Variants in GSE1 observed in about 807,000 individuals in gnomAD.
GSE1 encodes the protein genetic suppressor element 1.
A neutral mutation model predicts 112.6 loss-of-function variants in GSE1; 32 were observed. The observed-to-expected ratio is 0.28, with a 90% CI of 0.21 to 0.38. The LOEUF is 0.38. GSE1 is among the 10% of genes least tolerant of loss of function. The probability of loss-of-function intolerance (pLI) is 1.00; values close to 1 mark genes in which losing one functional copy is unlikely to be tolerated. For missense variants in GSE1, 2,348 were observed against 1,699.2 expected, an observed-to-expected ratio of 1.38 and a Z score of -6.71; for synonymous variants, 1,115 against 735.6, an observed-to-expected ratio of 1.52 and a Z score of -8.35.
chr16:85,403,319 C>G (rs2048163296), intron 2 of GSE1, among the ~76,000 whole-genome samples: 1 of 152,214 alleles, frequency 6.6e-6, no homozygotes, highest in Non-Finnish European at 1.5e-5. Flanking sequence ...GGCAAGTCAC[C>G]AGGTCCAGCC....
intron 2 of GSE1, among the ~76,000 whole-genome samples, chr16:85,374,283 T>C (rs1349034778): frequency 7.0e-6 from 1 of 141,956 alleles, no homozygotes; most frequent in African/African-American, 2.7e-5. Flanking sequence ...TGTCAGTGTG[T>C]ATGTGCGTGG....
At chr16:85,612,649 C>T (rs1468162458), upstream of GSE1, among the ~76,000 whole-genome samples, 4 of 150,530 alleles carry the variant, frequency 2.7e-5, no homozygotes, top group African/African-American at 9.8e-5. Context: ...AATTTTGAGG[C>T]CAAGTTCTTA....
intron 15 of GSE1, 47 bp downstream of exon 15, chr16:85,671,145 T>C (rs2053295792): frequency 8.8e-7 from 1 of 1,135,942 alleles, no homozygotes; most frequent in Admixed American, 1.8e-5. Context: ...ACCTTTTGAG[T>C]TTGGGTTCAG....
intron 2 of GSE1, among the ~76,000 whole-genome samples, chr16:85,424,179 T>C (rs1257835620): frequency 6.6e-6 from 1 of 152,232 alleles, no homozygotes; most frequent in East Asian, 1.9e-4. Flanking sequence ...CTTTAATGCA[T>C]TTGTTCGTTC....
chr16:85,486,429 G>A (rs376728363), intron 2 of GSE1, among the ~76,000 whole-genome samples: 1 of 152,254 alleles, frequency 6.6e-6, no homozygotes, highest in Non-Finnish European at 1.5e-5. Flanking sequence ...TTACCTGGCA[G>A]CACAGCTCCC....
At chr16:85,556,443 C>T (rs2045216367) in intron 1 of GSE1, 1 of 599,084 alleles carries the variant, frequency 1.7e-6, no homozygotes, top group Admixed American at 6.4e-5. Context: ...CCCCCTCCGC[C>T]AGACCCCCGA....
intron 2 of GSE1, among the ~76,000 whole-genome samples, chr16:85,463,418 G>C (rs369048139): frequency 6.6e-6 from 1 of 152,234 alleles, no homozygotes; most frequent in Non-Finnish European, 1.5e-5. Context: ...CTCAGACCCC[G>C]TGTAGGGAAG....
At chr16:85,388,974 G>A (rs2047769790) in intron 2 of GSE1, among the ~76,000 whole-genome samples, 1 of 151,942 alleles carries the variant, frequency 6.6e-6, no homozygotes, top group South Asian at 2.1e-4. Context: ...AATAGATCAT[G>A]AAGGAAAAAA....
In GSE1 at chr16:85,654,839, C is replaced by G. The variant is rs140680914; in HGVS notation, c.645C>G (p.Thr215=). The change falls in exon 5 of 16, where the codon ACC becomes ACG. Residue 215 remains threonine (T), a synonymous_variant. Coordinates refer to ENST00000253458, the MANE Select transcript of GSE1 (RefSeq NM_014615.5). ...VHHVVPPSTV[T]EDYLRSFRPY... is the part of the protein sequence containing the mutation. ...ACGTGGTGCCCCCCAGTACCGTGAC[C>G]GAGGACTACCTGAGAAGCTTCCGGC... is the stretch of plus-strand genomic sequence containing the variant. The G allele has an allele frequency of 1.9e-6, 3 of 1,612,054 alleles. No homozygotes were observed. Among genetic ancestry groups the G allele is most frequent in the Admixed American group, 1.7e-5 (1 of 59,968 alleles).
intron 13 of GSE1, among the ~76,000 whole-genome samples, chr16:85,667,410 G>A (rs757705677): frequency 2.9e-4 from 44 of 152,248 alleles, no homozygotes; most frequent in Non-Finnish European, 5.1e-4. Flanking sequence ...ACCAGGCCAC[G>A]CCATGAGACA....
intron 2 of GSE1, among the ~76,000 whole-genome samples, chr16:85,505,159 C>T (rs747890688): frequency 1.3e-5 from 2 of 152,150 alleles, no homozygotes; most frequent in East Asian, 3.8e-4. Context: ...GACTCTCTGG[C>T]GCCCAGGGGA....
intron 1 of GSE1, among the ~76,000 whole-genome samples, chr16:85,573,672 A>G (rs1363321444): frequency 6.6e-6 from 1 of 152,118 alleles, no homozygotes; most frequent in Non-Finnish European, 1.5e-5. Flanking sequence ...CATTGCTGCT[A>G]TTAATAGCAA....
chr16:85,228,915 G>A (rs1371774569), intron 1 of GSE1, among the ~76,000 whole-genome samples: 1 of 152,230 alleles, frequency 6.6e-6, no homozygotes, highest in East Asian at 1.9e-4. Flanking sequence ...CATACCCGAA[G>A]GAGTTAAGCC....
intron 1 of GSE1, among the ~76,000 whole-genome samples, chr16:85,295,302 C>T (rs1235869354): frequency 6.6e-6 from 1 of 152,180 alleles, no homozygotes; most frequent in Non-Finnish European, 1.5e-5. Flanking sequence ...TGGCTTCTCT[C>T]ACTCGGGACC....
chr16:85,556,416 A>ACGTCC (rs1347759422), intron 1 of GSE1: 8 of 831,492 alleles, frequency 9.6e-6, no homozygotes, highest in Non-Finnish European at 1.2e-5. Flanking sequence ...CGCGCCCGGG[A>ACGTCC]CCCTCCCTCA....
chr16:85,293,317 G>A lies in GSE1; in HGVS notation c.2284-64146G>A, dbSNP rs572258502. Among the ~76,000 whole-genome samples the A allele has an allele frequency of 4.6e-5, 7 of 152,150 alleles. No homozygotes were observed. In the South Asian group the frequency reaches 1.5e-3, roughly 32 times the overall value. On this transcript the variant is annotated intron_variant, in intron 1 of 2. Coordinates refer to the GSE1 transcript ENST00000637419. Reference sequence around the variant, plus strand: ...TCCCAGCCCTCTGGGAGGCCGAGGCGGGTGCATCACTTGAACTCAGGAGTT... The same window carrying A: ...TCCCAGCCCTCTGGGAGGCCGAGGCAGGTGCATCACTTGAACTCAGGAGTT...
In GSE1 at chr16:85,655,806, A is replaced by C. The variant is rs770494348; in HGVS notation, c.878A>C (p.His293Pro). Residue 293 changes from histidine (H) to proline (P), a missense_variant, in exon 6 of 16, where the codon CAC (histidine) becomes CCC (proline). Coordinates refer to ENST00000253458, the MANE Select transcript of GSE1 (RefSeq NM_014615.5). Reference protein sequence around the residue: ...IPTPGSLPPLHPSAMHLHLSG... With the variant: ...IPTPGSLPPLPPSAMHLHLSG... ...ACCCCCGGCTCCCTGCCCCCACTGC[A>C]CCCATCAGCGATGCACCTGCACCTC... The C allele has an allele frequency of 3.2e-6, 5 of 1,585,288 alleles. No homozygotes were observed. Among genetic ancestry groups the C allele is most frequent in the African/African-American group, 2.8e-5 (2 of 71,170 alleles).
intron 1 of GSE1, among the ~76,000 whole-genome samples, chr16:85,277,562 C>A (rs1229323683): frequency 1.3e-5 from 2 of 152,152 alleles, no homozygotes; most frequent in African/African-American, 4.8e-5. Flanking sequence ...GATGCTGGGT[C>A]AGGGCATCAC....
At chr16:85,498,093 G>GGGCA (rs1024143844) in intron 2 of GSE1, among the ~76,000 whole-genome samples, 1 of 152,124 alleles carries the variant, frequency 6.6e-6, no homozygotes, top group African/African-American at 2.4e-5. Flanking sequence ...AGGGGTGTGT[G>GGGCA]GGCAGGGCCG....
Sources: allele counts gnomAD v4.1 joint callset (sites outside exome capture counted in the v4.1 genomes callset), GRCh38; gene constraint gnomAD v4.1.1; transcripts MANE v1.5; gene names NCBI Gene and HGNC (gene_info 2026-07-23, HGNC 2026-07-21).